The following CNTN5 variants were observed in gnomAD, a reference collection of about 807,000 sequenced individuals.
The protein encoded by CNTN5 is contactin-5.
In CNTN5, 77 loss-of-function variants were observed where a neutral mutation model predicts 129.1. The ratio of observed to expected loss-of-function variants is 0.60; its 90% CI spans 0.50 to 0.72. The LOEUF is 0.72. CNTN5 is among the 30% of genes least tolerant of loss of function. The probability of loss-of-function intolerance (pLI) is 0.00; values close to 1 mark genes in which losing one functional copy is unlikely to be tolerated. For synonymous variants in CNTN5, 509 were observed against 465.6 expected (o/e 1.09, Z -1.20); for missense variants, 1,478 against 1,328.8 (o/e 1.11, Z -1.75).
intron 1 of CNTN5, among the ~76,000 whole-genome samples, chr11:99,195,504 A>C: frequency 6.6e-6 from 1 of 152,194 alleles, no homozygotes; most frequent in South Asian, 2.1e-4. Context: ...TGACAAGAGT[A>C]AGCACCCTTC....
At chr11:99,674,710 C>T (rs1241253161) in intron 3 of CNTN5, among the ~76,000 whole-genome samples, 2 of 152,078 alleles carry the variant, frequency 1.3e-5, no homozygotes, top group African/African-American at 4.8e-5. Flanking sequence ...TCTAAAATAA[C>T]CCCACAAAAA....
chr11:99,852,959 C>T (rs1401692781), intron 6 of CNTN5, among the ~76,000 whole-genome samples: 1 of 152,084 alleles, frequency 6.6e-6, no homozygotes, highest in East Asian at 1.9e-4. Flanking sequence ...GTCAGGTTAA[C>T]ATGATAAAAT....
chr11:99,399,942 T>A (rs960657497), intron 2 of CNTN5, among the ~76,000 whole-genome samples: 6 of 152,084 alleles, frequency 3.9e-5, no homozygotes, highest in African/African-American at 1.4e-4. Context: ...TGTGTAATAA[T>A]CACATCATGG....
At chr11:99,083,653 A>T (rs4417233) in intron 1 of CNTN5, among the ~76,000 whole-genome samples, 55,874 of 152,042 alleles carry the variant, frequency 0.37, 10,713 homozygotes, top group East Asian at 0.54. Flanking sequence ...GAGGAACTCA[A>T]GGGTGGCAAT....
intron 2 of CNTN5, among the ~76,000 whole-genome samples, chr11:99,333,922 T>C (rs982233549): frequency 6.6e-6 from 1 of 151,846 alleles, no homozygotes; most frequent in African/African-American, 2.4e-5. Flanking sequence ...CTCAAAGCTA[T>C]GGGTAAAAAT....
intron 1 of CNTN5, among the ~76,000 whole-genome samples, chr11:99,250,048 T>C (rs1254178581): frequency 6.6e-6 from 1 of 152,022 alleles, no homozygotes; most frequent in African/African-American, 2.4e-5. Context: ...GATCATTAGT[T>C]GCTTCTCAGT....
intron 3 of CNTN5, among the ~76,000 whole-genome samples, chr11:99,710,457 A>G (rs996016417): frequency 4.6e-5 from 7 of 151,778 alleles, no homozygotes; most frequent in African/African-American, 1.7e-4. Context: ...CTGTTGTTGC[A>G]TCTGAATCTG....
At chr11:99,188,234 G>T (rs948956688) in intron 1 of CNTN5, among the ~76,000 whole-genome samples, 3 of 151,642 alleles carry the variant, frequency 2.0e-5, no homozygotes, top group African/African-American at 7.3e-5. Flanking sequence ...AATAATGGTG[G>T]AATAAATAAA....
rs1377662184 is a variant in CNTN5 at position 99,254,846 on chromosome 11, A to G, written c.-209-70500A>G. ...TAACAAAGAGTAAAATGTGCTTAATAAAAGGTGAACCCTGAAAATAATTAA... is the reference window on the plus strand; with the variant it reads ...TAACAAAGAGTAAAATGTGCTTAATGAAAGGTGAACCCTGAAAATAATTAA... On this transcript the variant is annotated intron_variant, in intron 1 of 24. Coordinates refer to ENST00000524871, the MANE Select transcript of CNTN5 (RefSeq NM_014361.4). Among the ~76,000 whole-genome samples the G allele has an allele frequency of 4.6e-5, 7 of 152,028 alleles. No homozygotes were observed. The East Asian group carries it at 5.8e-4, about 13-fold the overall frequency.
At chr11:99,088,306 A>G (rs1018388850) in intron 1 of CNTN5, among the ~76,000 whole-genome samples, 1 of 152,110 alleles carries the variant, frequency 6.6e-6, no homozygotes, top group African/African-American at 2.4e-5. Flanking sequence ...AATCATTGCA[A>G]TTACAGAGAC....
rs891842969 is a variant in CNTN5 at position 100,356,328 on chromosome 11, A to C, written c.*108A>C. On this transcript the variant is annotated 3_prime_UTR_variant, in exon 25 of 25. Coordinates refer to ENST00000524871, the MANE Select transcript of CNTN5 (RefSeq NM_014361.4). ...TCCTGAGATGAGCTTGAGCTTTAAAAACTTGGGACTATACATGGTGAACTT... is the reference window on the plus strand; with the variant it reads ...TCCTGAGATGAGCTTGAGCTTTAAACACTTGGGACTATACATGGTGAACTT... 1 of 764,360 alleles carries C rather than the reference A, an allele frequency of 1.3e-6. No individual in the cohort carries two copies. The highest frequency in any genetic ancestry group is 2.3e-6 in the Non-Finnish European group (1 of 443,148). 47.3% of individuals were successfully genotyped at this position (764,360 alleles called of 1,614,324 possible). A position where few individuals can be genotyped will look rare whatever the true frequency, so the allele number is the denominator to read the frequency against.
In CNTN5 at chr11:99,473,640, T is replaced by A. The variant is rs553816664; in HGVS notation, c.-70-82505T>A. On this transcript the variant is annotated intron_variant, in intron 2 of 24. Coordinates refer to ENST00000524871, the MANE Select transcript of CNTN5 (RefSeq NM_014361.4). The stretch of plus-strand genomic sequence containing the variant: ...GTGTCCAACACTTTAAATTTTTTTT[T>A]AAATTTTTACACATTTCTCAGTGAA... Among the ~76,000 whole-genome samples the A allele has an allele frequency of 7.2e-5, 11 of 152,204 alleles. No homozygotes were observed. The South Asian group carries it at 8.3e-4, about 11-fold the overall frequency.
chr11:99,452,407 C>CTGTCACCTA (rs1944341302), intron 2 of CNTN5, among the ~76,000 whole-genome samples: 1 of 114,672 alleles, frequency 8.7e-6, no homozygotes, highest in Non-Finnish European at 1.7e-5. Flanking sequence ...GAGTCTGGTT[C>CTGTCACCTA]TGTCACCTAG....
chr11:99,045,958 A>T (rs1014618699), intron 1 of CNTN5, among the ~76,000 whole-genome samples: 4 of 152,200 alleles, frequency 2.6e-5, no homozygotes, highest in African/African-American at 9.6e-5. Context: ...TTATTATTCC[A>T]GGATAGCCTA....
At chr11:99,187,437 T>C (rs144287757) in intron 1 of CNTN5, among the ~76,000 whole-genome samples, 3 of 140,696 alleles carry the variant, frequency 2.1e-5, no homozygotes, top group African/African-American at 8.0e-5. Context: ...GTTATATTAA[T>C]ACAAATTACA....
chr11:100,208,919 G>C (rs547997920), intron 15 of CNTN5, among the ~76,000 whole-genome samples: 3 of 152,278 alleles, frequency 2.0e-5, no homozygotes, highest in East Asian at 3.9e-4. Flanking sequence ...TTTGGTGAAG[G>C]GGGCAGCTAG....
chr11:99,838,481 T>A (rs1172504958), intron 4 of CNTN5, among the ~76,000 whole-genome samples: 1 of 152,190 alleles, frequency 6.6e-6, no homozygotes, highest in Non-Finnish European at 1.5e-5. Flanking sequence ...TTCCTATATT[T>A]AAAAAATCCT....
intron 8 of CNTN5, among the ~76,000 whole-genome samples, chr11:99,986,535 A>G (rs986128948): frequency 3.3e-5 from 5 of 152,152 alleles, no homozygotes; most frequent in African/African-American, 4.8e-5. Context: ...GTCATCTGCA[A>G]TTATTTACCC....
rs533891746 is a variant in CNTN5 at position 99,364,341 on chromosome 11, T to TTAGCATAA, written c.-71+38860_-71+38867dup. On this transcript the variant is annotated intron_variant, in intron 2 of 24. Coordinates refer to ENST00000524871, the MANE Select transcript of CNTN5 (RefSeq NM_014361.4). ...CTCAAATACTCAAGTGGTTGTAGGA[T>TTAGCATAA]TAGCATAATATGCTAATTTTTGTAG... Among the ~76,000 whole-genome samples, 69 of 152,278 alleles carry TTAGCATAA rather than the reference T, an allele frequency of 4.5e-4. 1 individual carries two copies. The South Asian group carries it at 0.013, about 28-fold the overall frequency.
Sources: allele counts gnomAD v4.1 joint callset (sites outside exome capture counted in the v4.1 genomes callset), GRCh38; gene constraint gnomAD v4.1.1; transcripts MANE v1.5; gene names NCBI Gene and HGNC (gene_info 2026-07-23, HGNC 2026-07-21).